KIAA1755: variants seen among roughly 807,000 people sequenced by gnomAD.
KIAA1755 encodes the protein KIAA1755.
A neutral mutation model predicts 91.7 loss-of-function variants in KIAA1755; 68 were observed. The observed-to-expected ratio is 0.74, with a 90% confidence interval of 0.61 to 0.91. KIAA1755 has a LOEUF of 0.91. Ranked by LOEUF, KIAA1755 falls within the 40% of genes least tolerant of loss-of-function variation. KIAA1755 has a pLI of 0.00. For synonymous variants in KIAA1755, 610 were observed against 604.6 expected (o/e 1.01, Z -0.13); for missense variants, 1,535 against 1,494.4 (o/e 1.03, Z -0.45).
chr20:38,214,809 G>C (rs542976949), intron 13 of KIAA1755, among the ~76,000 whole-genome samples: 1 of 152,188 alleles, frequency 6.6e-6, no homozygotes, highest in Non-Finnish European at 1.5e-5. Flanking sequence ...GTTCCCAGCC[G>C]CTCGTGAAAA....
chr20:38,224,116 T>C (rs2075713030), intron 8 of KIAA1755, among the ~76,000 whole-genome samples: 1 of 152,108 alleles, frequency 6.6e-6, no homozygotes, highest in Non-Finnish European at 1.5e-5. Context: ...TGTCTCTGCT[T>C]CCTCCTCTTT....
chr20:38,221,435 G>A (rs765330351), intron 10 of KIAA1755, among the ~76,000 whole-genome samples: 157 of 152,114 alleles, frequency 1.0e-3, no homozygotes, highest in Non-Finnish European at 1.6e-3. Context: ...AGTGCTGCCC[G>A]TGCGTCCATC....
intron 5 of KIAA1755, among the ~76,000 whole-genome samples, chr20:38,228,866 G>T (rs555767057): frequency 6.6e-5 from 10 of 152,176 alleles, no homozygotes; most frequent in Non-Finnish European, 1.2e-4. Flanking sequence ...TCTGTTGATT[G>T]CAGCCAAAAC....
Position 38,240,677 on chromosome 20 carries a change from G to C in KIAA1755, c.1454C>G (p.Thr485Ser), listed in dbSNP as rs2076040655. 1 of 1,551,584 alleles carries C rather than the reference G, an allele frequency of 6.4e-7. No individual in the cohort carries two copies. Among genetic ancestry groups the C allele is most frequent in the Admixed American group, 2.0e-5 (1 of 50,926 alleles). Residue 485 changes from threonine (T) to serine (S), a missense_variant, in exon 3 of 14, where the codon ACC becomes AGC. Physicochemically the swap from Thr to Ser is moderately conservative, Grantham distance 58. Transcript: ENST00000279024. ...FLRGQRQPSV[T>S]PEKASLQHNG... ...GTGCTGGAGTGAGGCTTTCTCCGGGGTCACAGAGGGTTGCCTCTGCCCTCT... is the reference window on the plus strand; with the variant it reads ...GTGCTGGAGTGAGGCTTTCTCCGGGCTCACAGAGGGTTGCCTCTGCCCTCT...
chr20:38,249,765 G>C (rs1030862900), intron 1 of KIAA1755, among the ~76,000 whole-genome samples: 3 of 152,060 alleles, frequency 2.0e-5, no homozygotes, highest in African/African-American at 7.2e-5. Context: ...AACAGGGAAG[G>C]TCTCATCTGG....
intron 1 of KIAA1755, among the ~76,000 whole-genome samples, chr20:38,251,681 T>G (rs2076252021): frequency 6.6e-6 from 1 of 151,872 alleles, no homozygotes; most frequent in African/African-American, 2.4e-5. Flanking sequence ...TTCTTCTGCT[T>G]CAGCCTCCCA....
At chr20:38,219,512 G>A in intron 11 of KIAA1755, 118 bp downstream of exon 11, 3 of 1,388,840 alleles carry the variant, frequency 2.2e-6, no homozygotes, top group Non-Finnish European at 2.9e-6. Context: ...AGGATCGCCA[G>A]CTTGGTGTCC....
intron 6 of KIAA1755, 36 bp from the exon 7 acceptor site, chr20:38,227,276 A>T (rs372811387): frequency 2.6e-5 from 40 of 1,528,540 alleles, no homozygotes; most frequent in Non-Finnish European, 3.4e-5. Flanking sequence ...TGCTCTGCCC[A>T]AGGCTTCATG....
At chr20:38,245,021 C>CG (rs2076131591) in intron 2 of KIAA1755, among the ~76,000 whole-genome samples, 1 of 152,150 alleles carries the variant, frequency 6.6e-6, no homozygotes, top group Non-Finnish European at 1.5e-5. Flanking sequence ...CCACCACTGC[C>CG]GGCCTTCTCA....
At chr20:38,259,820 CCACACACA>C (rs57325877) in intron 1 of KIAA1755, among the ~76,000 whole-genome samples, 29 of 138,694 alleles carry the variant, frequency 2.1e-4, no homozygotes, top group Non-Finnish European at 3.7e-4. Context: ...ACCACCACCA[CCACACACA>C]CACACACACA....
chr20:38,227,945 T>G (rs1320378744), intron 6 of KIAA1755, among the ~76,000 whole-genome samples: 1 of 152,254 alleles, frequency 6.6e-6, no homozygotes, highest in Non-Finnish European at 1.5e-5. Context: ...TACTTGAAGC[T>G]GGACTTGGCT....
rs375090512 is a variant in KIAA1755, at chr20:38,254,732, A to G, written c.3+5766T>C. 1.6e-3 allele frequency among the ~76,000 whole-genome samples: 239 copies of G among 151,994 alleles called. 2 individuals are homozygous for G. Among genetic ancestry groups the G allele is most frequent in the African/African-American group, 5.3e-3 (220 of 41,430 alleles). ...GCCCAGGAGGTGGAGACTGCAGTAA[A>G]CTATGATCACACCACTGTACTCCAG... On this transcript the variant is annotated intron_variant, in intron 1 of 13. Coordinates refer to ENST00000279024, the MANE Select transcript of KIAA1755 (RefSeq NM_001029864.2).
chr20:38,227,672 GGTGTGGAGGGACT>G, intron 6 of KIAA1755, among the ~76,000 whole-genome samples: 1 of 152,184 alleles, frequency 6.6e-6, no homozygotes, highest in African/African-American at 2.4e-5. Flanking sequence ...CACAGGGTTG[GGTGTGGAGGGACT>G]CCTGAATCCA....
chr20:38,216,117 C>T (rs936443229), intron 13 of KIAA1755, among the ~76,000 whole-genome samples: 3 of 152,182 alleles, frequency 2.0e-5, no homozygotes, highest in Non-Finnish European at 4.4e-5. Context: ...AAGAACTACA[C>T]GGCCATTAAC....
Position 38,227,154 on chromosome 20 carries a change from C to A in KIAA1755, c.2052G>T (p.Gln684His). The change falls in exon 7 of 14, where the codon CAG (glutamine) becomes CAT (histidine). Residue 684 changes from glutamine to histidine, a missense_variant and splice_region_variant. Transcript: ENST00000279024. ...ALQLQTLPDV[Q>H]VEVLTSLKAL... ...ACCGCCGACCCTGAGTCCCCCTCAC[C>A]TGGACGTCAGGTAATGTCTGCAGCT... The A allele has an allele frequency of 6.2e-7, 1 of 1,612,958 alleles. No individual in the cohort carries two copies. The highest frequency in any genetic ancestry group is 8.5e-7 in the Non-Finnish European group (1 of 1,179,136).
At position 38,212,129 on chromosome 20, in the gene KIAA1755, T is replaced by C. The variant is rs1201042809; in HGVS notation, c.*913A>G. The C allele has an allele frequency of 6.6e-6, 1 of 152,040 alleles. No individual in the cohort carries two copies. The highest frequency in any genetic ancestry group is 1.5e-5 in the Non-Finnish European group (1 of 68,078). The allele number at this position is 152,040 out of a possible 1,614,324, so 9.4% of individuals were successfully genotyped here. On this transcript the variant is annotated 3_prime_UTR_variant, in exon 14 of 14. Transcript: ENST00000279024. ...TTGAGATCAGCCTGCCTGGGCAACA[T>C]AGCAAGACCCCATGTCTACAAAAAA...
rs1454719895 is a variant in KIAA1755, at chr20:38,222,576, T to A, written c.2290A>T (p.Lys764Ter). ...GMQEATRCLSKSKELMEAVLR... is the reference protein window; with the variant it reads ...GMQEATRCLS ...ACAGCCTCCATCAGCTCCTTGGACT[T>A]GCTCAGGCACCTGGTAGCCTCCTGC... The change falls in exon 10 of 14, where the codon AAG becomes TAG. Residue 764 changes from lysine (K) to a stop codon, truncating the protein, a stop_gained. Coordinates refer to ENST00000279024, the MANE Select transcript of KIAA1755 (RefSeq NM_001029864.2). LOFTEE classifies it high-confidence loss of function. 1.9e-6 allele frequency: 3 copies of A among 1,612,836 alleles called. No individual in the cohort carries two copies. The Admixed American group carries it at 5.0e-5, about 27-fold the overall frequency.
chr20:38,240,644 G>A lies in KIAA1755; in HGVS notation c.1487C>T (p.Pro496Leu). Residue 496 changes from proline (P) to leucine (L), a missense_variant, in exon 3 of 14, where the codon CCC (proline) becomes CTC (leucine). Pro to Leu is a moderately conservative substitution (Grantham distance 98). Coordinates refer to ENST00000279024, the MANE Select transcript of KIAA1755 (RefSeq NM_001029864.2). ...PEKASLQHNGPWKVLCSLYSP... is the reference protein window; with the variant it reads ...PEKASLQHNGLWKVLCSLYSP... ...GTAGAGGGAACACAGGACTTTCCAG[G>A]GCCCATTGTGCTGGAGTGAGGCTTT... is the stretch of plus-strand genomic sequence containing the variant. The A allele has an allele frequency of 6.6e-7, 1 of 1,522,606 alleles. No homozygotes were observed. The highest frequency in any genetic ancestry group is 8.8e-7 in the Non-Finnish European group (1 of 1,137,314). The allele number at this position is 1,522,606 out of a possible 1,614,324, so 94.3% of individuals were successfully genotyped here.
chr20:38,230,997 C>G (rs2075850853), intron 5 of KIAA1755, among the ~76,000 whole-genome samples: 1 of 152,158 alleles, frequency 6.6e-6, no homozygotes, highest in African/African-American at 2.4e-5. Context: ...TGCACTCTGT[C>G]CATCTCTCCC....
Sources: allele counts gnomAD v4.1 joint callset (sites outside exome capture counted in the v4.1 genomes callset), GRCh38; gene constraint gnomAD v4.1.1; transcripts MANE v1.5; gene names NCBI Gene and HGNC (gene_info 2026-07-23, HGNC 2026-07-21).